The following SUMF1 variants were observed in gnomAD, a reference collection of about 807,000 sequenced individuals.
SUMF1 encodes sulfatase modifying factor 1.
SUMF1 carries 48 observed loss-of-function variants against 47.6 expected under a neutral mutation model. The observed-to-expected ratio is 1.01, with a 90% CI of 0.80 to 1.28. The LOEUF is 1.28. Ranked by LOEUF, SUMF1 falls within the 50% of genes most tolerant of loss-of-function variation. SUMF1 has a pLI of 0.00. For missense variants in SUMF1, 571 were observed against 485.4 expected, an observed-to-expected ratio of 1.18 and a Z score of -1.66; for synonymous variants, 230 against 192.1, an observed-to-expected ratio of 1.20 and a Z score of -1.63.
At chr3:4,347,079 T>G (rs13327724) in intron 8 of SUMF1, among the ~76,000 whole-genome samples, 27 of 152,112 alleles carry the variant, frequency 1.8e-4, no homozygotes, top group Non-Finnish European at 3.2e-4. Flanking sequence ...ACCAGACAGA[T>G]TCACAGCTGG....
At chr3:4,102,859 G>C (rs1347141144) in intron 8 of SUMF1, among the ~76,000 whole-genome samples, 1 of 151,730 alleles carries the variant, frequency 6.6e-6, no homozygotes, top group African/African-American at 2.4e-5. Context: ...GAAAGACAGG[G>C]AGAAGAAGAG....
At chr3:4,051,820 G>T (rs754717731) in intron 9 of SUMF1, among the ~76,000 whole-genome samples, 1 of 152,138 alleles carries the variant, frequency 6.6e-6, no homozygotes, top group Non-Finnish European at 1.5e-5. Context: ...AGACCTGGCT[G>T]TCTGATCAGT....
At chr3:4,369,730 C>T (rs1266762369) in intron 8 of SUMF1, among the ~76,000 whole-genome samples, 1 of 152,150 alleles carries the variant, frequency 6.6e-6, no homozygotes, top group Non-Finnish European at 1.5e-5. Context: ...CATCCAGAAA[C>T]TCTGATTCAG....
intron 8 of SUMF1, among the ~76,000 whole-genome samples, chr3:4,190,159 T>G (rs1362003986): frequency 6.6e-6 from 1 of 152,066 alleles, no homozygotes; most frequent in East Asian, 1.9e-4. Context: ...TTTAAACAGT[T>G]TTTAAATGAA....
intron 8 of SUMF1, among the ~76,000 whole-genome samples, chr3:4,299,999 T>C (rs1369192345): frequency 6.6e-6 from 1 of 152,206 alleles, no homozygotes; most frequent in African/African-American, 2.4e-5. Context: ...TGATATAATT[T>C]GGATATTTGT....
intron 8 of SUMF1, among the ~76,000 whole-genome samples, chr3:4,167,921 G>A (rs145088316): frequency 2.0e-5 from 3 of 152,260 alleles, no homozygotes; most frequent in African/African-American, 7.2e-5. Flanking sequence ...GCATCTCTTT[G>A]TCACTTGCTT....
rs1476758698 is a variant in SUMF1 at position 4,225,924 on chromosome 3, T to A, written c.1014+150406A>T. Among the ~76,000 whole-genome samples, 6 of 152,138 alleles carry A rather than the reference T, an allele frequency of 3.9e-5. No individual in the cohort carries two copies. The East Asian group carries it at 1.2e-3, about 29-fold the overall frequency. ...AAGGCTATGCATCAAGTGATGCCAA[T>A]AAAACAGGAAGATGTAGGATGGAGA... On this transcript the variant is annotated intron_variant and NMD_transcript_variant, in intron 8 of 12. Transcript: ENST00000448413.
intron 8 of SUMF1, among the ~76,000 whole-genome samples, chr3:4,287,267 C>T (rs1697650855): frequency 6.6e-6 from 1 of 152,032 alleles, no homozygotes. Context: ...AAGTTCAGAA[C>T]CAGCAACTTA....
chr3:4,400,136 T>A (rs937079796), intron 7 of SUMF1, among the ~76,000 whole-genome samples: 2 of 152,118 alleles, frequency 1.3e-5, no homozygotes, highest in East Asian at 3.9e-4. Context: ...GGCCGAATTC[T>A]ACCTGAATTC....
intron 8 of SUMF1, among the ~76,000 whole-genome samples, chr3:4,140,958 A>C (rs1396335553): frequency 1.3e-5 from 2 of 152,194 alleles, no homozygotes; most frequent in Non-Finnish European, 2.9e-5. Flanking sequence ...CCTGAAAAAT[A>C]GAAAAAGCTT....
In SUMF1 at chr3:4,436,780, A is replaced by T. The variant is rs551696978; in HGVS notation, c.519+12486T>A. ...AACCCAGTGAAACTCAAGCAGGATAAATACAAGAAATCAACACCTAGAATA... is the reference window on the plus strand; with the variant it reads ...AACCCAGTGAAACTCAAGCAGGATATATACAAGAAATCAACACCTAGAATA... On this transcript the variant is annotated intron_variant, in intron 3 of 8. Coordinates refer to ENST00000272902, the MANE Select transcript of SUMF1 (RefSeq NM_182760.4). Among the ~76,000 whole-genome samples the T allele has an allele frequency of 6.6e-5, 10 of 152,014 alleles. No homozygotes were observed. The South Asian group carries it at 2.1e-3, about 32-fold the overall frequency.
downstream of SUMF1, among the ~76,000 whole-genome samples, chr3:4,359,042 A>G (rs985913748): frequency 3.3e-5 from 5 of 152,044 alleles, no homozygotes; most frequent in Admixed American, 1.3e-4. Context: ...CTCTACCCCA[A>G]TTTTCCCCGT....
chr3:4,311,436 G>A (rs1424496597), intron 8 of SUMF1, among the ~76,000 whole-genome samples: 1 of 152,184 alleles, frequency 6.6e-6, no homozygotes, highest in African/African-American at 2.4e-5. Flanking sequence ...TTACCCGACT[G>A]TGCTGTTGTG....
At chr3:4,129,049 G>C (rs59268279) in intron 8 of SUMF1, among the ~76,000 whole-genome samples, 3 of 152,130 alleles carry the variant, frequency 2.0e-5, no homozygotes, top group African/African-American at 7.2e-5. Context: ...AGTCACTTTA[G>C]ACCTACTCAT....
intron 8 of SUMF1, among the ~76,000 whole-genome samples, chr3:4,289,534 T>G (rs1697698853): frequency 1.3e-5 from 2 of 152,190 alleles, no homozygotes; most frequent in Non-Finnish European, 2.9e-5. Flanking sequence ...AGTCAGAGCT[T>G]AAGCCCTTGC....
At position 4,196,374 on chromosome 3, in the gene SUMF1, T is replaced by C. The variant is rs1695429687; in HGVS notation, c.1015-127629A>G. ...AAACACAGACAGTTTCCAGGCTTTG[T>C]GTGGCAGGCTTCATGGGGGGAAGCT... On this transcript the variant is annotated intron_variant and NMD_transcript_variant, in intron 8 of 12. Transcript: ENST00000448413. Among the ~76,000 whole-genome samples the C allele has an allele frequency of 2.0e-5, 3 of 152,124 alleles. No homozygotes were observed. The South Asian group carries it at 6.2e-4, about 32-fold the overall frequency.
chr3:4,150,665 A>G (rs1307170633), intron 8 of SUMF1, among the ~76,000 whole-genome samples: 1 of 151,628 alleles, frequency 6.6e-6, no homozygotes, highest in Non-Finnish European at 1.5e-5. Context: ...AATTATAGGC[A>G]TGAGCCACTA....
intron 8 of SUMF1, among the ~76,000 whole-genome samples, chr3:4,107,299 C>T (rs1693180192): frequency 6.6e-6 from 1 of 152,070 alleles, no homozygotes. Flanking sequence ...ACAGAGTTAA[C>T]CTTAGGAATA....
chr3:4,335,580 G>A (rs1293481574), intron 8 of SUMF1, among the ~76,000 whole-genome samples: 4 of 152,114 alleles, frequency 2.6e-5, no homozygotes, highest in Middle Eastern at 3.2e-3. Flanking sequence ...AAATTTGGGC[G>A]AGGTCAGGGA....
Sources: allele counts gnomAD v4.1 joint callset (sites outside exome capture counted in the v4.1 genomes callset), GRCh38; gene constraint gnomAD v4.1.1; transcripts MANE v1.5; gene names NCBI Gene and HGNC (gene_info 2026-07-23, HGNC 2026-07-21).